Variants in MYO3A observed in about 807,000 individuals in gnomAD.
MYO3A encodes myosin-IIIa.
Under a neutral mutation model 192.7 loss-of-function variants are expected in MYO3A, and 180 were observed. That is an observed-to-expected ratio of 0.93 (90% CI 0.83 to 1.06). MYO3A has a LOEUF of 1.06. Ranked by LOEUF, MYO3A falls within the 50% of genes least tolerant of loss-of-function variation. MYO3A has a pLI of 0.00. For synonymous variants in MYO3A, 628 were observed against 645.3 expected, an observed-to-expected ratio of 0.97 and a Z score of 0.41; for missense variants, 1,896 against 1,905.0, an observed-to-expected ratio of 1.00 and a Z score of 0.09.
intron 10 of MYO3A, among the ~76,000 whole-genome samples, chr10:26,035,142 G>A (rs1401309869): frequency 1.3e-5 from 2 of 152,244 alleles, no homozygotes; most frequent in African/African-American, 4.8e-5. Context: ...GGGGAATATA[G>A]CAAGGATCCC....
rs189804935 is a variant in MYO3A, at chr10:26,137,512, A to T, written c.2263-5936A>T. On this transcript the variant is annotated intron_variant, in intron 20 of 34. Transcript: ENST00000642920. ...GTGTTGACTGTACAAATTGATTGTA[A>T]AACGTGTGTTTGAACAATATGAAAT... Among the ~76,000 whole-genome samples, 14 of 152,334 alleles carry T rather than the reference A, an allele frequency of 9.2e-5. No individual in the cohort carries two copies. In the East Asian group the frequency reaches 2.7e-3, roughly 29 times the overall value.
intron 14 of MYO3A, among the ~76,000 whole-genome samples, chr10:26,083,527 TGTTGAATGGAAGTG>T (rs1217080296): frequency 6.6e-6 from 1 of 152,206 alleles, no homozygotes; most frequent in Non-Finnish European, 1.5e-5. Flanking sequence ...TCCAGTACTA[TGTTGAATGGAAGTG>T]AAGAGAGTGC....
intron 6 of MYO3A, among the ~76,000 whole-genome samples, chr10:26,003,988 G>A (rs1312932015): frequency 6.6e-6 from 1 of 152,182 alleles, no homozygotes; most frequent in African/African-American, 2.4e-5. Context: ...AAGTGAGGCA[G>A]TACACCCGAA....
intron 32 of MYO3A, among the ~76,000 whole-genome samples, chr10:26,199,268 C>G (rs546200076): frequency 6.6e-6 from 1 of 152,278 alleles, no homozygotes; most frequent in East Asian, 1.9e-4. Context: ...TATTCTAACA[C>G]AAGGCCACGC....
At chr10:26,208,991 T>C (rs1844100868) in intron 34 of MYO3A, among the ~76,000 whole-genome samples, 1 of 152,200 alleles carries the variant, frequency 6.6e-6, no homozygotes, top group African/African-American at 2.4e-5. Context: ...CTTTGCAATA[T>C]TACATTTCCC....
intron 4 of MYO3A, among the ~76,000 whole-genome samples, chr10:25,992,081 C>A (rs369682554): frequency 1.3e-5 from 2 of 152,064 alleles, no homozygotes; most frequent in Admixed American, 6.6e-5. Context: ...GGGGATGGCA[C>A]TGAATCTGTA....
intron 31 of MYO3A, among the ~76,000 whole-genome samples, chr10:26,183,886 C>T (rs1003689174): frequency 2.6e-5 from 4 of 152,126 alleles, no homozygotes; most frequent in Non-Finnish European, 5.9e-5. Context: ...CTCAAGAGAA[C>T]AGAGATATCC....
At chr10:26,025,856 G>A (rs193078938) in intron 9 of MYO3A, among the ~76,000 whole-genome samples, 1 of 152,290 alleles carries the variant, frequency 6.6e-6, no homozygotes, top group Admixed American at 6.5e-5. Flanking sequence ...AATACATATT[G>A]ACATGGAATT....
intron 14 of MYO3A, among the ~76,000 whole-genome samples, chr10:26,080,882 A>G (rs980109639): frequency 1.3e-5 from 2 of 152,148 alleles, no homozygotes; most frequent in Non-Finnish European, 2.9e-5. Flanking sequence ...GGGGTTGTCC[A>G]CACAGAGTCC....
chr10:26,185,178 A>G (rs776504863), intron 31 of MYO3A, among the ~76,000 whole-genome samples: 3 of 152,210 alleles, frequency 2.0e-5, no homozygotes, highest in Non-Finnish European at 4.4e-5. Context: ...ATCCTGGTGA[A>G]GAAACAATGT....
chr10:26,131,142 A>T (rs1839509439), intron 20 of MYO3A, among the ~76,000 whole-genome samples: 1 of 152,216 alleles, frequency 6.6e-6, no homozygotes, highest in South Asian at 2.1e-4. Context: ...GCTTAAACCA[A>T]TAAACATTAT....
intron 2 of MYO3A, among the ~76,000 whole-genome samples, chr10:25,946,772 G>A (rs1169988110): frequency 1.3e-5 from 2 of 150,980 alleles, no homozygotes; most frequent in East Asian, 3.9e-4. Context: ...CCGCTACACG[G>A]GAGGCTGAGG....
chr10:26,189,375 G>C (rs964454524), intron 31 of MYO3A, among the ~76,000 whole-genome samples: 1 of 152,168 alleles, frequency 6.6e-6, no homozygotes, highest in African/African-American at 2.4e-5. Context: ...AATTCAGCCT[G>C]TAACAGGTTT....
chr10:26,071,329 G>A (rs1406789956), intron 14 of MYO3A, among the ~76,000 whole-genome samples: 4 of 150,844 alleles, frequency 2.7e-5, no homozygotes, highest in Non-Finnish European at 4.5e-5. Flanking sequence ...AATTGGATAG[G>A]CCCATACAAA....
chr10:26,064,140 G>A (rs1834669319), intron 10 of MYO3A, among the ~76,000 whole-genome samples: 1 of 152,170 alleles, frequency 6.6e-6, no homozygotes, highest in Non-Finnish European at 1.5e-5. Context: ...TAAAAATAGA[G>A]CAGGAAAAGG....
rs73610379 is a variant in MYO3A, at chr10:25,972,805, A to G, written c.303+17797A>G. ...TAATCTGTCTGCCTCTGTTGGTGCC[A>G]CCCCCAGTTATTAGGCTCCACTAAT... On this transcript the variant is annotated intron_variant, in intron 4 of 34. Coordinates refer to ENST00000642920, the MANE Select transcript of MYO3A (RefSeq NM_017433.5). Among the ~76,000 whole-genome samples, 1,051 of 151,940 alleles carry G rather than the reference A, an allele frequency of 6.9e-3. 13 individuals carry two copies. Among genetic ancestry groups the G allele is most frequent in the African/African-American group, 0.024 (1,005 of 41,406 alleles).
At chr10:26,081,416 C>T (rs1835950243) in intron 14 of MYO3A, among the ~76,000 whole-genome samples, 1 of 152,044 alleles carries the variant, frequency 6.6e-6, no homozygotes, top group African/African-American at 2.4e-5. Flanking sequence ...CCCACCATGC[C>T]CCCGCAACAA....
At chr10:26,007,324 G>T (rs2130974926) in intron 6 of MYO3A, among the ~76,000 whole-genome samples, 1 of 150,780 alleles carries the variant, frequency 6.6e-6, no homozygotes, top group African/African-American at 2.5e-5. Context: ...ACCGGCACAA[G>T]ACAGGGATGC....
Position 26,096,635 on chromosome 10 carries a change from T to C in MYO3A, c.1729T>C (p.Tyr577His). 6.2e-7 allele frequency: 1 copy of C among 1,606,396 alleles called. No homozygotes were observed. ...IMNNSFYKSQ[Y>H]ELIEQCFKVI... ...GAATAATAGTTTCTATAAATCCCAG[T>C]ATGAATTAATTGAGCAATGTTTCAA... The change falls in exon 17 of 35, where the codon TAT becomes CAT. Residue 577 changes from tyrosine to histidine, a missense_variant. By Grantham distance (83) the Tyr-to-His change is moderately conservative (BLOSUM62 2). Coordinates refer to ENST00000642920, the MANE Select transcript of MYO3A (RefSeq NM_017433.5).
Sources: allele counts gnomAD v4.1 joint callset (sites outside exome capture counted in the v4.1 genomes callset), GRCh38; gene constraint gnomAD v4.1.1; transcripts MANE v1.5; gene names NCBI Gene and HGNC (gene_info 2026-07-23, HGNC 2026-07-21).